RFTN1: variants seen among roughly 807,000 people sequenced by gnomAD.
RFTN1 encodes raftlin, lipid raft linker 1.
A neutral mutation model predicts 46.5 loss-of-function variants in RFTN1; 26 were observed. That is an observed-to-expected ratio of 0.56 (90% confidence interval 0.41 to 0.78). The LOEUF is 0.78. Among genes scored for constraint, RFTN1 ranks in the 30% least tolerant of loss-of-function variants. RFTN1 has a pLI of 0.00. For missense variants in RFTN1, 693 were observed against 718.7 expected (o/e 0.96, Z 0.41); for synonymous variants, 261 against 284.2 (o/e 0.92, Z 0.82).
At chr3:16,434,153 G>T in intron 2 of RFTN1, 116 bp from the exon 3 acceptor site, 1 of 841,334 alleles carries the variant, frequency 1.2e-6, no homozygotes, top group Non-Finnish European at 1.8e-6. Flanking sequence ...GCTAAAATGA[G>T]TTTGTCCCAG....
Position 16,334,710 on chromosome 3 carries a change from C to T in RFTN1, c.1147-7834G>A, listed in dbSNP as rs914048968. On this transcript the variant is annotated intron_variant, in intron 7 of 9. Coordinates refer to ENST00000334133, the MANE Select transcript of RFTN1 (RefSeq NM_015150.2). The surrounding 1 kb of genome is among the most constrained non-coding windows in gnomAD (Gnocchi z 4.3). ...ACTAAATGAAACAGCCTGTGGTAGA[C>T]AGAATAATGGCCCCAAAGATGTCTA... Among the ~76,000 whole-genome samples the T allele has an allele frequency of 6.6e-6, 1 of 152,166 alleles. No individual in the cohort carries two copies. The highest frequency in any genetic ancestry group is 2.4e-5 in the African/African-American group (1 of 41,430).
Position 16,356,291 on chromosome 3 carries a change from C to A in RFTN1, c.1146+1641G>T, listed in dbSNP as rs1473318165. Among the ~76,000 whole-genome samples the A allele has an allele frequency of 6.6e-6, 1 of 152,154 alleles. No individual in the cohort carries two copies. The highest frequency in any genetic ancestry group is 6.5e-5 in the Admixed American group (1 of 15,278). ...AGAGACCATGGGCAGCAGGGTCACA[C>A]AGGAGTAACTGGTGGGGCTGATCTC... On this transcript the variant is annotated intron_variant, in intron 7 of 9. Coordinates refer to ENST00000334133, the MANE Select transcript of RFTN1 (RefSeq NM_015150.2). This position sits in a 1 kb window ranked among gnomAD's most constrained non-coding sequence, Gnocchi z 4.9.
Position 16,348,894 on chromosome 3 carries a change from A to G in RFTN1, c.1146+9038T>C, listed in dbSNP as rs1389987590. 6.6e-6 allele frequency among the ~76,000 whole-genome samples: 1 copy of G among 152,220 alleles called. No homozygotes were observed. The highest frequency in any genetic ancestry group is 1.5e-5 in the Non-Finnish European group (1 of 68,038). ...CCTGCCACTGCCACAATCCACACAC[A>G]TTTCAGAACACCCGAGCAAGTGGCT... On this transcript the variant is annotated intron_variant, in intron 7 of 9. Transcript: ENST00000334133. This position sits in a 1 kb window ranked among gnomAD's most constrained non-coding sequence, Gnocchi z 6.3.
intron 4 of RFTN1, among the ~76,000 whole-genome samples, chr3:16,379,167 A>G (rs1514894): frequency 0.19 from 28,569 of 152,140 alleles, 3,263 homozygotes; most frequent in East Asian, 0.45. Flanking sequence ...ATCTACCCTC[A>G]TTTGAGAGTC....
At chr3:16,319,193 C>T (rs759075440) in intron 9 of RFTN1, among the ~76,000 whole-genome samples, 2 of 152,102 alleles carry the variant, frequency 1.3e-5, no homozygotes. Context: ...TATCATTTTA[C>T]GTGTTTTTAG....
In RFTN1 at chr3:16,327,634, G is replaced by A. The variant is rs1054751354; in HGVS notation, c.1147-758C>T. Among the ~76,000 whole-genome samples the A allele has an allele frequency of 3.3e-5, 5 of 151,994 alleles. No homozygotes were observed. Among genetic ancestry groups the A allele is most frequent in the African/African-American group, 4.8e-5 (2 of 41,356 alleles). ...AAATTAGCCAGGCCTGGTGGCGGGC[G>A]CCTGTAGTCCCAGCTACTCGGGAGG... On this transcript the variant is annotated intron_variant, in intron 7 of 9. Transcript: ENST00000334133. This position sits in a 1 kb window ranked among gnomAD's most constrained non-coding sequence, Gnocchi z 4.2.
chr3:16,362,112 G>C (rs573119916), intron 6 of RFTN1, among the ~76,000 whole-genome samples: 1 of 152,310 alleles, frequency 6.6e-6, no homozygotes, highest in African/African-American at 2.4e-5. Flanking sequence ...CAGAATAATA[G>C]GAAGGCCTAA....
intron 1 of RFTN1, among the ~76,000 whole-genome samples, chr3:16,511,007 C>T (rs1242119042): frequency 6.6e-6 from 1 of 152,144 alleles, no homozygotes. Context: ...GGATGAATCT[C>T]AAAAATATGG....
chr3:16,409,263 C>G (rs893687181), intron 4 of RFTN1, 112 bp downstream of exon 4: 2 of 704,270 alleles, frequency 2.8e-6, no homozygotes, highest in African/African-American at 3.6e-5. Context: ...TAGGTCACAG[C>G]TCTTGCATGG....
chr3:16,323,951 C>T (rs1157912999), intron 8 of RFTN1, among the ~76,000 whole-genome samples: 1 of 152,192 alleles, frequency 6.6e-6, no homozygotes, highest in Non-Finnish European at 1.5e-5. Context: ...CAGCACCAGG[C>T]GGGCCCTGCA....
Position 16,423,271 on chromosome 3 carries a change from A to G in RFTN1, c.332+10580T>C, listed in dbSNP as rs1032888628. 3.8e-4 allele frequency among the ~76,000 whole-genome samples: 58 copies of G among 152,090 alleles called. 1 individual carries two copies. The highest frequency in any genetic ancestry group is 1.4e-3 in the African/African-American group (58 of 41,364). Reference sequence around the variant, plus strand: ...CCACAGACATTAGGCAATGTCTGGAATCTGTCACAACTGCAGGGATGGGGG... The same window carrying G: ...CCACAGACATTAGGCAATGTCTGGAGTCTGTCACAACTGCAGGGATGGGGG... On this transcript the variant is annotated intron_variant, in intron 3 of 9. Coordinates refer to ENST00000334133, the MANE Select transcript of RFTN1 (RefSeq NM_015150.2).
intron 6 of RFTN1, among the ~76,000 whole-genome samples, chr3:16,365,743 A>G (rs2073124665): frequency 1.3e-5 from 2 of 152,196 alleles, no homozygotes; most frequent in African/African-American, 4.8e-5. Flanking sequence ...AGGCCTTAGA[A>G]CTAACTTCCA....
At chr3:16,502,286 A>C (rs2076723450) in intron 1 of RFTN1, among the ~76,000 whole-genome samples, 1 of 151,088 alleles carries the variant, frequency 6.6e-6, no homozygotes, top group South Asian at 2.1e-4. Flanking sequence ...GCTTGAGCCT[A>C]GGATGTTGAG....
chr3:16,456,037 T>G (rs1056946616), intron 2 of RFTN1, among the ~76,000 whole-genome samples: 1 of 143,726 alleles, frequency 7.0e-6, no homozygotes, highest in Non-Finnish European at 1.5e-5. Context: ...CCACTTACTA[T>G]TCTGTGATCA....
Position 16,507,078 on chromosome 3 carries a change from T to C in RFTN1, c.-9+6364A>G, listed in dbSNP as rs1478741375. On this transcript the variant is annotated intron_variant, in intron 1 of 9. Coordinates refer to ENST00000334133, the MANE Select transcript of RFTN1 (RefSeq NM_015150.2). The surrounding 1 kb of genome is among the most constrained non-coding windows in gnomAD (Gnocchi z 7.1). Reference sequence around the variant, plus strand: ...CCTCAAGGAAGCCATTTAACCTCAGTTTTCTCATCTGTAAAATGGGGACAA... The same window carrying C: ...CCTCAAGGAAGCCATTTAACCTCAGCTTTCTCATCTGTAAAATGGGGACAA... Among the ~76,000 whole-genome samples, 1 of 152,128 alleles carries C rather than the reference T, an allele frequency of 6.6e-6. No homozygotes were observed. Among genetic ancestry groups the C allele is most frequent in the Non-Finnish European group, 1.5e-5 (1 of 68,010 alleles).
At chr3:16,404,395 T>C (rs200332891) in intron 4 of RFTN1, among the ~76,000 whole-genome samples, 3 of 19,826 alleles carry the variant, frequency 1.5e-4, no homozygotes, top group East Asian at 2.8e-3. Flanking sequence ...ATAATATATA[T>C]ACAATATATA....
rs1462487235 is a variant in RFTN1 at position 16,459,224 on chromosome 3, C to T, written c.146-25187G>A. 6.6e-6 allele frequency among the ~76,000 whole-genome samples: 1 copy of T among 152,166 alleles called. No individual in the cohort carries two copies. Among genetic ancestry groups the T allele is most frequent in the Non-Finnish European group, 1.5e-5 (1 of 68,028 alleles). ...GGAATTACAGGTATGAGCCACTGTG[C>T]CTGGCCACTACTGTGTTTTCTGAAG... is the stretch of plus-strand genomic sequence containing the variant. On this transcript the variant is annotated intron_variant, in intron 2 of 9. Coordinates refer to ENST00000334133, the MANE Select transcript of RFTN1 (RefSeq NM_015150.2). The surrounding 1 kb of genome is among the most constrained non-coding windows in gnomAD (Gnocchi z 4.2).
intron 2 of RFTN1, among the ~76,000 whole-genome samples, chr3:16,491,707 G>A (rs897586496): frequency 6.6e-6 from 1 of 150,836 alleles, no homozygotes; most frequent in African/African-American, 2.4e-5. Flanking sequence ...TAGGAGCAAA[G>A]TTACTCTTCG....
rs905207909 is a variant in RFTN1 at position 16,484,373 on chromosome 3, T to G, written c.145+9352A>C. On this transcript the variant is annotated intron_variant, in intron 2 of 9. Coordinates refer to ENST00000334133, the MANE Select transcript of RFTN1 (RefSeq NM_015150.2). The surrounding 1 kb of genome is among the most constrained non-coding windows in gnomAD (Gnocchi z 4.6). ...TGCATGTCTTGAATAAGGAATGTCA[T>G]CCTGTTATTATCATGACCACCCAAA... Among the ~76,000 whole-genome samples, 1 of 152,192 alleles carries G rather than the reference T, an allele frequency of 6.6e-6. No homozygotes were observed. The highest frequency in any genetic ancestry group is 1.5e-5 in the Non-Finnish European group (1 of 68,026).
Sources: allele counts gnomAD v4.1 joint callset (sites outside exome capture counted in the v4.1 genomes callset), GRCh38; gene constraint gnomAD v4.1.1; non-coding constraint Gnocchi (gnomAD v3.1); transcripts MANE v1.5; gene names NCBI Gene and HGNC (gene_info 2026-07-23, HGNC 2026-07-21).